VPS13B: variants seen among roughly 807,000 people sequenced by gnomAD.
VPS13B encodes the protein vacuolar protein sorting 13 homolog B.
In VPS13B, 285 loss-of-function variants were observed where a neutral mutation model predicts 426.4. The observed-to-expected ratio is 0.67, with a 90% CI of 0.61 to 0.74. The LOEUF is 0.74. Among genes scored for constraint, VPS13B ranks in the 30% least tolerant of loss-of-function variants. The pLI is 0.00. For synonymous variants in VPS13B, 1,676 were observed against 1,676.4 expected (o/e 1.00, Z 0.01); for missense variants, 4,537 against 4,782.6 (o/e 0.95, Z 1.51).
At chr8:99,186,953 A>C (rs1399282085) in intron 16 of VPS13B, among the ~76,000 whole-genome samples, 1 of 152,150 alleles carries the variant, frequency 6.6e-6, no homozygotes, top group Non-Finnish European at 1.5e-5. Flanking sequence ...GCTGGCTTGA[A>C]AGGGTACCAT....
At chr8:99,278,370 A>G (rs1819001618) in intron 19 of VPS13B, among the ~76,000 whole-genome samples, 1 of 152,240 alleles carries the variant, frequency 6.6e-6, no homozygotes, top group African/African-American at 2.4e-5. Flanking sequence ...GGGATTTGGA[A>G]TTATGACAGA....
At chr8:99,331,514 G>C (rs1484073440) in intron 19 of VPS13B, among the ~76,000 whole-genome samples, 2 of 151,680 alleles carry the variant, frequency 1.3e-5, no homozygotes, top group Non-Finnish European at 3.0e-5. Context: ...AGTTGAACTG[G>C]AATATCAATT....
intron 17 of VPS13B, among the ~76,000 whole-genome samples, chr8:99,242,481 G>A (rs914159561): frequency 6.6e-6 from 1 of 151,994 alleles, no homozygotes; most frequent in Non-Finnish European, 1.5e-5. Context: ...CATTTTATAT[G>A]TATAGGTTTA....
chr8:99,856,768 G>A (rs1375858572), intron 56 of VPS13B, among the ~76,000 whole-genome samples: 2 of 152,140 alleles, frequency 1.3e-5, no homozygotes, highest in African/African-American at 4.8e-5. Flanking sequence ...TTGAACCTGG[G>A]AGGCAGAGGT....
Position 99,717,391 on chromosome 8 carries a change from A to C in VPS13B, c.6657+18A>C. On this transcript the variant is annotated intron_variant, in intron 37 of 61. Transcript: ENST00000357162. ...TACTACAGGTCTGTGGGTATTGGCC[A>C]TATTTTTTTCATAGGTTATTAACTA... The C allele has an allele frequency of 6.2e-7, 1 of 1,608,156 alleles. No homozygotes were observed. The highest frequency in any genetic ancestry group is 1.1e-5 in the South Asian group (1 of 90,908).
At position 99,364,133 on chromosome 8, in the gene VPS13B, T is replaced by C. The variant is rs117752717; in HGVS notation, c.2825-20075T>C. Among the ~76,000 whole-genome samples, 72 of 152,322 alleles carry C rather than the reference T, an allele frequency of 4.7e-4. 2 individuals are homozygous for C. In the East Asian group the frequency reaches 0.013, roughly 28 times the overall value. ...ATGGCTTTTATTATGTTGAGGTATG[T>C]TCCTTCTGTACTCTGTCTTTTGAGG... On this transcript the variant is annotated intron_variant, in intron 19 of 61. Transcript: ENST00000357162.
At chr8:99,774,363 A>G (rs1811644215) in intron 40 of VPS13B, among the ~76,000 whole-genome samples, 1 of 152,204 alleles carries the variant, frequency 6.6e-6, no homozygotes, top group South Asian at 2.1e-4. Flanking sequence ...GCTACTGTAT[A>G]TACCTAAAAA....
At chr8:99,460,758 G>A (rs1390736871) in intron 23 of VPS13B, among the ~76,000 whole-genome samples, 1 of 151,968 alleles carries the variant, frequency 6.6e-6, no homozygotes, top group African/African-American at 2.4e-5. Flanking sequence ...CCTTGGTAGT[G>A]TTATCAGTTT....
chr8:99,590,210 C>G (rs982044547), intron 33 of VPS13B, among the ~76,000 whole-genome samples: 1 of 152,036 alleles, frequency 6.6e-6, no homozygotes, highest in Non-Finnish European at 1.5e-5. Flanking sequence ...TTTATTGCAT[C>G]TATTTGATTC....
At chr8:99,747,340 A>T (rs1810143988) in intron 39 of VPS13B, among the ~76,000 whole-genome samples, 2 of 152,130 alleles carry the variant, frequency 1.3e-5, no homozygotes, top group South Asian at 4.1e-4. Flanking sequence ...TTTTTTAAAT[A>T]TTCAGATAAA....
chr8:99,748,051 G>T (rs79673107), intron 39 of VPS13B, among the ~76,000 whole-genome samples: 4,157 of 151,988 alleles, frequency 0.027, 79 homozygotes, highest in Non-Finnish European at 0.043. Context: ...AAACTTTCAT[G>T]AATCTCAAGA....
chr8:99,171,173 T>G (rs138068992), intron 16 of VPS13B, among the ~76,000 whole-genome samples: 1 of 152,068 alleles, frequency 6.6e-6, no homozygotes, highest in Non-Finnish European at 1.5e-5. Flanking sequence ...TAATTTCTAG[T>G]GATAAATTTC....
At chr8:99,088,317 G>A (rs867287679) in intron 3 of VPS13B, among the ~76,000 whole-genome samples, 1 of 152,052 alleles carries the variant, frequency 6.6e-6, no homozygotes, top group Non-Finnish European at 1.5e-5. Context: ...TCATGGTCAG[G>A]CATCTGTTTT....
At chr8:99,224,072 A>G (rs973226662) in intron 17 of VPS13B, among the ~76,000 whole-genome samples, 1 of 152,162 alleles carries the variant, frequency 6.6e-6, no homozygotes, top group African/African-American at 2.4e-5. Context: ...TCTCAGGAAT[A>G]CTCTTAATAG....
At position 99,875,729 on chromosome 8, in the gene VPS13B, G is replaced by T. The variant is rs535480537; in HGVS notation, c.*63G>T. On this transcript the variant is annotated 3_prime_UTR_variant, in exon 62 of 62. Transcript: ENST00000357162. ...AGTTTTTGGGTTTCTTTGAGACAGG[G>T]TCTCACTGCATTGCCCTTGCTGACC... is the stretch of plus-strand genomic sequence containing the variant. The T allele has an allele frequency of 1.2e-4, 190 of 1,607,612 alleles. No individual in the cohort carries two copies. The African/African-American group carries it at 1.5e-3, about 13-fold the overall frequency.
chr8:99,067,220 A>G (rs1424509848), intron 3 of VPS13B, among the ~76,000 whole-genome samples: 1 of 152,208 alleles, frequency 6.6e-6, no homozygotes, highest in East Asian at 1.9e-4. Context: ...ACTATTCACA[A>G]TAGTAAAGAC....
chr8:99,455,895 A>G (rs1405349238), intron 23 of VPS13B, among the ~76,000 whole-genome samples: 7 of 152,146 alleles, frequency 4.6e-5, no homozygotes, highest in Non-Finnish European at 8.8e-5. Context: ...TTTTGCCTAC[A>G]GTGAATAATG....
At chr8:99,071,761 T>C (rs1465472589) in intron 3 of VPS13B, among the ~76,000 whole-genome samples, 1 of 152,212 alleles carries the variant, frequency 6.6e-6, no homozygotes. Context: ...TCTGTTCTAC[T>C]GCAGCTGAGC....
intron 33 of VPS13B, among the ~76,000 whole-genome samples, chr8:99,581,639 T>C (rs143506608): frequency 1.1e-3 from 165 of 152,274 alleles, no homozygotes; most frequent in African/African-American, 3.9e-3. Context: ...GTCCCCTATC[T>C]GAAAACTCAA....
Sources: gnomAD v4.1 joint callset for allele counts (sites outside exome capture counted in the v4.1 genomes callset) on GRCh38, gnomAD v4.1.1 for gene constraint, MANE v1.5 for transcripts, NCBI Gene and HGNC (gene_info 2026-07-23, HGNC 2026-07-21) for gene names.